Variants in DENND4C observed in about 807,000 individuals in gnomAD.
DENND4C encodes the protein DENN domain containing 4C.
Under a neutral mutation model 203.0 loss-of-function variants are expected in DENND4C, and 108 were observed. The ratio of observed to expected loss-of-function variants is 0.53; its 90% CI spans 0.46 to 0.62. DENND4C has a LOEUF of 0.62. Ranked by LOEUF, DENND4C falls within the 20% of genes least tolerant of loss-of-function variation. The probability of loss-of-function intolerance (pLI) is 0.00; values close to 1 mark genes in which losing one functional copy is unlikely to be tolerated. For synonymous variants in DENND4C, 871 were observed against 792.4 expected (o/e 1.10, Z -1.67); for missense variants, 2,481 against 2,301.2 (o/e 1.08, Z -1.60).
At chr9:19,278,145 T>G (rs1207913004) in intron 2 of DENND4C, among the ~76,000 whole-genome samples, 1 of 151,534 alleles carries the variant, frequency 6.6e-6, no homozygotes, top group Non-Finnish European at 1.5e-5. Flanking sequence ...TTTTTGTTTG[T>G]TTGTTTTTGA....
intron 10 of DENND4C, among the ~76,000 whole-genome samples, chr9:19,309,694 A>G (rs998717731): frequency 8.1e-4 from 123 of 152,058 alleles, no homozygotes; most frequent in African/African-American, 2.9e-3. Context: ...TAAGCTCCAC[A>G]CAAAATTACA....
intron 2 of DENND4C, among the ~76,000 whole-genome samples, chr9:19,283,975 A>T (rs72698395): frequency 2.0e-5 from 3 of 152,116 alleles, no homozygotes; most frequent in Non-Finnish European, 4.4e-5. Flanking sequence ...TTGGCTTTCA[A>T]CTGATTTGTT....
chr9:19,291,682 G>A (rs1458340879), intron 5 of DENND4C, among the ~76,000 whole-genome samples: 1 of 146,116 alleles, frequency 6.8e-6, no homozygotes, highest in East Asian at 2.1e-4. Flanking sequence ...TCCAGCCTAG[G>A]CTACAGAGCG....
At chr9:19,265,972 G>C (rs1026652521) in intron 1 of DENND4C, among the ~76,000 whole-genome samples, 1 of 152,194 alleles carries the variant, frequency 6.6e-6, no homozygotes. Context: ...TATATACCCA[G>C]TAATGGGATG....
chr9:19,276,698 G>A (rs1484361829), intron 2 of DENND4C: 1 of 342,436 alleles, frequency 2.9e-6, no homozygotes, highest in African/African-American at 2.1e-5. Flanking sequence ...TAGATCATTT[G>A]CTTTCAAAAG....
At chr9:19,288,809 G>T in intron 4 of DENND4C, 144 bp downstream of exon 4, 1 of 430,700 alleles carries the variant, frequency 2.3e-6, no homozygotes, top group Non-Finnish European at 3.9e-6. Flanking sequence ...AGCATATAAA[G>T]ATATGTGTTT....
intron 2 of DENND4C, among the ~76,000 whole-genome samples, chr9:19,277,332 T>C (rs1454534188): frequency 6.6e-6 from 1 of 152,198 alleles, no homozygotes. Flanking sequence ...CGTGGAATGT[T>C]TTCCATTGGT....
Position 19,346,404 on chromosome 9 carries a change from G to A in DENND4C, c.3635G>A (p.Ser1212Asn). ...VDTYESLLSD[S>N]NSNQSRDLKT... ...ACATATGAGAGTCTACTAAGTGATA[G>A]TAACAGTAATCAGTCCAGAGACTTG... Residue 1212 changes from serine to asparagine, a missense_variant, in exon 23 of 33, where the codon AGT (serine) becomes AAT (asparagine). Ser to Asn is a conservative substitution (Grantham distance 46). Coordinates refer to ENST00000434457, the MANE Select transcript of DENND4C (RefSeq NM_001330640.2). The A allele has an allele frequency of 6.2e-7, 1 of 1,614,138 alleles. No individual in the cohort carries two copies. The highest frequency in any genetic ancestry group is 8.5e-7 in the Non-Finnish European group (1 of 1,180,016).
chr9:19,362,409 T>C (rs1826697436), intron 30 of DENND4C, among the ~76,000 whole-genome samples: 1 of 152,072 alleles, frequency 6.6e-6, no homozygotes, highest in African/African-American at 2.4e-5. Context: ...TGTTCTGCAA[T>C]AAAGAATGGA....
intron 1 of DENND4C, among the ~76,000 whole-genome samples, chr9:19,265,061 G>T (rs979128745): frequency 3.9e-5 from 6 of 152,052 alleles, no homozygotes; most frequent in African/African-American, 1.4e-4. Context: ...TGTCACCCAG[G>T]CAGGAGTGCA....
At chr9:19,312,281 T>C (rs575071090) in intron 10 of DENND4C, among the ~76,000 whole-genome samples, 2 of 152,198 alleles carry the variant, frequency 1.3e-5, no homozygotes, top group Middle Eastern at 3.4e-3. Flanking sequence ...TTTTGTATTT[T>C]TTGTAGAGAT....
chr9:19,257,085 A>G (rs956573923), intron 1 of DENND4C, among the ~76,000 whole-genome samples: 1 of 151,888 alleles, frequency 6.6e-6, no homozygotes, highest in Non-Finnish European at 1.5e-5. Context: ...AAAAAAAGGA[A>G]ATATATTTTG....
chr9:19,243,551 ATC>A (rs762747714), intron 1 of DENND4C, among the ~76,000 whole-genome samples: 29 of 151,986 alleles, frequency 1.9e-4, no homozygotes, highest in Non-Finnish European at 2.8e-4. Flanking sequence ...CTGCCCAGTA[ATC>A]TGTTTTCTCT....
In DENND4C at chr9:19,346,085, C is replaced by A. The variant is rs1168433840; in HGVS notation, c.3316C>A (p.Leu1106Ile). The change falls in exon 23 of 33, where the codon CTT (leucine) becomes ATT (isoleucine). Residue 1106 changes from leucine (L) to isoleucine (I), a missense_variant. Physicochemically the swap from Leu to Ile is conservative, Grantham distance 5. This residue lies in a region of DENND4C where 2,289 missense variants were observed against 2,113.3 expected (regional missense o/e 1.08). Coordinates refer to ENST00000434457, the MANE Select transcript of DENND4C (RefSeq NM_001330640.2). The stretch of plus-strand genomic sequence containing the variant: ...TTCTGAAAGTCGAGCAGGAATGTTG[C>A]TTAAGAAGAGTAGTTTGGATTCGAA... ...FSSESRAGMLLKKSSLDSNSS... is the reference protein window; with the variant it reads ...FSSESRAGMLIKKSSLDSNSS... 6.2e-7 allele frequency: 1 copy of A among 1,614,140 alleles called. No individual in the cohort carries two copies. The highest frequency in any genetic ancestry group is 1.1e-5 in the South Asian group (1 of 91,074).
chr9:19,261,450 C>CTTT (rs34512237), intron 1 of DENND4C, among the ~76,000 whole-genome samples: 1 of 142,976 alleles, frequency 7.0e-6, no homozygotes, highest in African/African-American at 2.6e-5. Flanking sequence ...GTAGTATGGA[C>CTTT]TTTTTTTTTT....
chr9:19,297,966 G>A (rs1837797176), intron 6 of DENND4C, 90 bp from the exon 7 acceptor site: 1 of 1,003,526 alleles, frequency 1.0e-6, no homozygotes, highest in East Asian at 2.7e-5. Context: ...TCATATCTGG[G>A]ATGATATATA....
At chr9:19,257,790 G>A (rs1210643474) in intron 1 of DENND4C, among the ~76,000 whole-genome samples, 1 of 152,142 alleles carries the variant, frequency 6.6e-6, no homozygotes, top group Non-Finnish European at 1.5e-5. Flanking sequence ...CAACTTAGAT[G>A]GAATGACAAA....
At chr9:19,357,209 A>G in intron 27 of DENND4C, 55 bp downstream of exon 27, 5 of 1,584,532 alleles carry the variant, frequency 3.2e-6, no homozygotes, top group Non-Finnish European at 4.3e-6. Flanking sequence ...TACCCTTGTA[A>G]AAATTCTGTC....
chr9:19,357,288 C>T, intron 27 of DENND4C, 134 bp downstream of exon 27: 1 of 774,974 alleles, frequency 1.3e-6, no homozygotes. Context: ...CTTATTACCA[C>T]ATAGTGTTTA....
Sources: allele counts gnomAD v4.1 joint callset (sites outside exome capture counted in the v4.1 genomes callset), GRCh38; gene constraint gnomAD v4.1.1; regional missense constraint gnomAD v4.1.1; transcripts MANE v1.5; gene names NCBI Gene and HGNC (gene_info 2026-07-23, HGNC 2026-07-21).